Variants in FSIP1 observed in about 807,000 individuals in gnomAD.
The protein encoded by FSIP1 is fibrous sheath-interacting protein 1.
Under a neutral mutation model 60.9 loss-of-function variants are expected in FSIP1, and 65 were observed. The observed-to-expected ratio is 1.07, with a 90% CI of 0.87 to 1.31. FSIP1 has a LOEUF of 1.31. FSIP1 is among the 40% of genes most tolerant of loss of function. The pLI is 0.00. For synonymous variants in FSIP1, 209 were observed against 221.2 expected, an observed-to-expected ratio of 0.94 and a Z score of 0.49; for missense variants, 675 against 665.5, an observed-to-expected ratio of 1.01 and a Z score of -0.16.
At chr15:39,680,214 C>T (rs188816087) in intron 10 of FSIP1, among the ~76,000 whole-genome samples, 2 of 152,246 alleles carry the variant, frequency 1.3e-5, no homozygotes, top group East Asian at 3.9e-4. Context: ...CAATCACTAT[C>T]TCAAAAACCA....
intron 10 of FSIP1, among the ~76,000 whole-genome samples, chr15:39,676,467 G>A (rs1305107014): frequency 6.6e-6 from 1 of 152,162 alleles, no homozygotes; most frequent in Non-Finnish European, 1.5e-5. Context: ...GAAACCTATT[G>A]AGCAGTGAAT....
chr15:39,737,746 TG>T (rs1453870927), intron 8 of FSIP1, among the ~76,000 whole-genome samples: 1 of 152,204 alleles, frequency 6.6e-6, no homozygotes, highest in Non-Finnish European at 1.5e-5. Context: ...CATGGGGCTT[TG>T]TTGTACAGAT....
In FSIP1 at chr15:39,770,625, A is replaced by T. The variant is rs754336035; in HGVS notation, c.127-15T>A. 80 of 1,341,642 alleles carry T rather than the reference A, an allele frequency of 6.0e-5. No individual in the cohort carries two copies. Among genetic ancestry groups the T allele is most frequent in the African/African-American group, 6.1e-5 (4 of 65,496 alleles). 83.1% of individuals were successfully genotyped at this position (1,341,642 alleles called of 1,614,324 possible). ...GCAGTATCGACCTAAAAATAATTTC[A>T]AAAAAAAAACAGTTTCCGAAAATAC... is the stretch of plus-strand genomic sequence containing the variant. On this transcript the variant is annotated splice_polypyrimidine_tract_variant and intron_variant, in intron 2 of 11. Coordinates refer to ENST00000350221, the MANE Select transcript of FSIP1 (RefSeq NM_152597.5).
At chr15:39,705,072 C>T (rs200824839) in intron 10 of FSIP1, among the ~76,000 whole-genome samples, 169 of 152,108 alleles carry the variant, frequency 1.1e-3, no homozygotes, top group Non-Finnish European at 1.5e-3. Context: ...GAAAAAAGAC[C>T]TAAAAAGTGT....
intron 10 of FSIP1, among the ~76,000 whole-genome samples, chr15:39,688,802 G>T (rs1010163336): frequency 6.6e-6 from 1 of 152,192 alleles, no homozygotes; most frequent in Non-Finnish European, 1.5e-5. Flanking sequence ...CCTAACACCT[G>T]TGGGTGAGGT....
chr15:39,654,750 C>T (rs899398569), intron 10 of FSIP1, among the ~76,000 whole-genome samples: 1 of 152,216 alleles, frequency 6.6e-6, no homozygotes, highest in South Asian at 2.1e-4. Context: ...AGACCTGTGA[C>T]CCAATGGCTC....
chr15:39,660,902 A>C (rs1230704763), intron 10 of FSIP1, among the ~76,000 whole-genome samples: 1 of 152,050 alleles, frequency 6.6e-6, no homozygotes, highest in Admixed American at 6.5e-5. Flanking sequence ...ATCTCTACTA[A>C]AACTATAAAA....
chr15:39,764,138 A>C (rs1231935297), intron 4 of FSIP1, among the ~76,000 whole-genome samples: 2 of 152,106 alleles, frequency 1.3e-5, no homozygotes, highest in Non-Finnish European at 1.5e-5. Context: ...TATGATAATT[A>C]CTTTGCTTAA....
chr15:39,707,927 G>A (rs1446061034), intron 10 of FSIP1, among the ~76,000 whole-genome samples: 1 of 152,120 alleles, frequency 6.6e-6, no homozygotes, highest in Non-Finnish European at 1.5e-5. Context: ...GGGCAGAGAA[G>A]CCTGTAGAGC....
At chr15:39,735,225 G>A (rs986629662) in intron 8 of FSIP1, among the ~76,000 whole-genome samples, 3 of 152,190 alleles carry the variant, frequency 2.0e-5, no homozygotes, top group African/African-American at 4.8e-5. Context: ...TGTACCATTA[G>A]GCAATTCTGT....
At chr15:39,739,986 T>C (rs1896751082) in intron 6 of FSIP1, among the ~76,000 whole-genome samples, 197 bp from the exon 7 acceptor site, 1 of 152,224 alleles carries the variant, frequency 6.6e-6, no homozygotes, top group African/African-American at 2.4e-5. Context: ...TAACTTCAAA[T>C]GAAGTTCTCA....
Position 39,669,299 on chromosome 15 carries a change from G to A in FSIP1, c.1188+44145C>T, listed in dbSNP as rs187904049. 5.3e-5 allele frequency among the ~76,000 whole-genome samples: 8 copies of A among 152,316 alleles called. No individual in the cohort carries two copies. In the East Asian group the frequency reaches 7.7e-4, roughly 15 times the overall value. ...TGCATTCACAAGGCTTGCCAGGCCT[G>A]CATGGCAGTTCAGCTCCTCTCTCTA... On this transcript the variant is annotated intron_variant, in intron 10 of 11. Coordinates refer to ENST00000350221, the MANE Select transcript of FSIP1 (RefSeq NM_152597.5).
chr15:39,623,281 C>T (rs1475610225), intron 10 of FSIP1, among the ~76,000 whole-genome samples: 1 of 152,136 alleles, frequency 6.6e-6, no homozygotes, highest in East Asian at 1.9e-4. Context: ...AGATTATGTC[C>T]CTGGTGCAGA....
chr15:39,678,330 A>T (rs984449064), intron 10 of FSIP1, among the ~76,000 whole-genome samples: 1 of 152,102 alleles, frequency 6.6e-6, no homozygotes, highest in African/African-American at 2.4e-5. Context: ...GACAACCACA[A>T]AAAAGCATTT....
At chr15:39,604,474 C>A (rs2140361492) in intron 11 of FSIP1, among the ~76,000 whole-genome samples, 1 of 152,110 alleles carries the variant, frequency 6.6e-6, no homozygotes, top group East Asian at 1.9e-4. Flanking sequence ...TGATCAACAG[C>A]AAATATTTAT....
intron 9 of FSIP1, among the ~76,000 whole-genome samples, chr15:39,717,661 G>A (rs1238386665): frequency 2.6e-5 from 4 of 152,162 alleles, no homozygotes. Flanking sequence ...GCTATAAGCT[G>A]ACTGTCTTAA....
chr15:39,604,372 T>A lies in FSIP1; in HGVS notation c.1700-3446A>T, dbSNP rs372576405. ...AAGCAACAGAACCAGAAGTTTCCAA[T>A]AACTGATAAAGTGATAAGGACATTA... On this transcript the variant is annotated intron_variant, in intron 11 of 11. Coordinates refer to ENST00000350221, the MANE Select transcript of FSIP1 (RefSeq NM_152597.5). Among the ~76,000 whole-genome samples, 11 of 152,324 alleles carry A rather than the reference T, an allele frequency of 7.2e-5. No individual in the cohort carries two copies. In the South Asian group the frequency reaches 1.2e-3, roughly 17 times the overall value.
In FSIP1 at chr15:39,739,807, C is replaced by A; in HGVS notation, c.656-18G>T. On this transcript the variant is annotated intron_variant, in intron 6 of 11. Coordinates refer to ENST00000350221, the MANE Select transcript of FSIP1 (RefSeq NM_152597.5). ...GGTAAAATCTAATATTAAAAAAGTT[C>A]AAAATTTTTTCATAATTAAAAGTGT... 2.0e-6 allele frequency: 3 copies of A among 1,492,988 alleles called. No individual in the cohort carries two copies. Among genetic ancestry groups the A allele is most frequent in the South Asian group, 2.6e-5 (2 of 77,944 alleles). 92.5% of individuals were successfully genotyped at this position (1,492,988 alleles called of 1,614,324 possible).
At chr15:39,638,948 T>C (rs1397285952) in intron 10 of FSIP1, among the ~76,000 whole-genome samples, 2 of 152,164 alleles carry the variant, frequency 1.3e-5, no homozygotes, top group Admixed American at 1.3e-4. Flanking sequence ...GTATAAAAGC[T>C]AATACTTATT....
Sources: gnomAD v4.1 joint callset for allele counts (sites outside exome capture counted in the v4.1 genomes callset) on GRCh38, gnomAD v4.1.1 for gene constraint, MANE v1.5 for transcripts, NCBI Gene and HGNC (gene_info 2026-07-23, HGNC 2026-07-21) for gene names.